FRMD4A: variants seen among roughly 807,000 people sequenced by gnomAD.
The protein encoded by FRMD4A is FERM domain containing 4A, also known as FERM domain-containing protein 4A.
In FRMD4A, 29 loss-of-function variants were observed where a neutral mutation model predicts 129.1. The observed-to-expected ratio is 0.22, with a 90% CI of 0.17 to 0.31. FRMD4A has a LOEUF of 0.31. Ranked by LOEUF, FRMD4A falls within the 10% of genes least tolerant of loss-of-function variation. The pLI, the probability that FRMD4A is intolerant of heterozygous loss-of-function variation, is 1.00. For missense variants in FRMD4A, 1,272 were observed against 1,375.8 expected (o/e 0.92, Z 1.19); for synonymous variants, 634 against 571.6 (o/e 1.11, Z -1.56).
chr10:14,185,798 C>G (rs12217974), intron 2 of FRMD4A, among the ~76,000 whole-genome samples: 1 of 152,116 alleles, frequency 6.6e-6, no homozygotes, highest in Non-Finnish European at 1.5e-5. Flanking sequence ...CAGACTAGTC[C>G]TGGGCGGAAT....
At chr10:14,185,634 C>G (rs764637450) in intron 2 of FRMD4A, among the ~76,000 whole-genome samples, 1 of 152,102 alleles carries the variant, frequency 6.6e-6, no homozygotes, top group Non-Finnish European at 1.5e-5. Context: ...ACTTCATGGT[C>G]AGAGAGCTGC....
chr10:13,648,935 C>G (rs2081330466), intron 24 of FRMD4A, among the ~76,000 whole-genome samples: 1 of 152,016 alleles, frequency 6.6e-6, no homozygotes, highest in East Asian at 1.9e-4. Flanking sequence ...AAAAAAGCTT[C>G]CATGGATAAA....
intron 2 of FRMD4A, among the ~76,000 whole-genome samples, chr10:14,021,548 C>A (rs1023795215): frequency 1.3e-5 from 2 of 151,826 alleles, no homozygotes; most frequent in African/African-American, 4.8e-5. Context: ...TAGAGGGAGA[C>A]CCTGACTCAA....
Position 13,657,615 on chromosome 10 carries a change from G to T in FRMD4A, c.2067-93C>A, listed in dbSNP as rs2082280572. ...GAGGGGGTCCTGAGGAGGGCACTGG[G>T]TGTCTGCACGCGGGCGCAGGCCCCA... is the stretch of plus-strand genomic sequence containing the variant. On this transcript the variant is annotated intron_variant, in intron 21 of 24. Transcript: ENST00000357447. 3.5e-6 allele frequency: 5 copies of T among 1,434,376 alleles called. No individual in the cohort carries two copies. In the South Asian group the frequency reaches 7.3e-5, roughly 21 times the overall value. The allele number at this position is 1,434,376 out of a possible 1,614,324, so 88.9% of individuals were successfully genotyped here. A position where few individuals can be genotyped will look rare whatever the true frequency, so the allele number is the denominator to read the frequency against.
chr10:14,162,945 C>T (rs1396864004), intron 2 of FRMD4A, among the ~76,000 whole-genome samples: 1 of 152,166 alleles, frequency 6.6e-6, no homozygotes, highest in East Asian at 1.9e-4. Context: ...CTTCCACACA[C>T]ACCGGCATGG....
chr10:14,293,130 T>C (rs1845900954), intron 2 of FRMD4A, among the ~76,000 whole-genome samples: 1 of 152,208 alleles, frequency 6.6e-6, no homozygotes, highest in Non-Finnish European at 1.5e-5. Context: ...TGTTAGAAAC[T>C]TAATCTCCAA....
chr10:13,935,354 C>T (rs2095239712), intron 2 of FRMD4A, among the ~76,000 whole-genome samples: 1 of 145,166 alleles, frequency 6.9e-6, no homozygotes, highest in African/African-American at 2.6e-5. Context: ...AGGAGAATTC[C>T]TTGAATCTGG....
chr10:13,692,140 C>CTTTTTTTTTTTTTTTTTT lies in FRMD4A; in HGVS notation c.1117+1740_1117+1757dup, dbSNP rs747299123. ...CTTGAAGCTTATAAAATTTTAGCAG[C>CTTTTTTTTTTTTTTTTTT]TTTTTTTTTTTTTTTTTTTTTTTTT... On this transcript the variant is annotated intron_variant, in intron 15 of 24. Coordinates refer to ENST00000357447, the MANE Select transcript of FRMD4A (RefSeq NM_018027.5). The CTTTTTTTTTTTTTTTTTT allele has an allele frequency of 4.3e-4, 43 of 100,484 alleles. 21 individuals carry two copies. Among genetic ancestry groups the CTTTTTTTTTTTTTTTTTT allele is most frequent in the African/African-American group, 6.1e-4 (15 of 24,450 alleles). The allele number at this position is 100,484 out of a possible 1,614,324, so 6.2% of individuals were successfully genotyped here.
intron 5 of FRMD4A, among the ~76,000 whole-genome samples, chr10:13,788,192 T>A (rs1052568519): frequency 6.6e-6 from 1 of 151,746 alleles, no homozygotes; most frequent in African/African-American, 2.4e-5. Flanking sequence ...GACTTCCACA[T>A]GTCACCATGG....
intron 2 of FRMD4A, among the ~76,000 whole-genome samples, chr10:14,318,612 CAAAAA>C (rs66547751): frequency 7.4e-6 from 1 of 135,032 alleles, no homozygotes; most frequent in Non-Finnish European, 1.6e-5. Context: ...TGCTAGTATG[CAAAAA>C]AAAAAAAAAA....
At chr10:14,157,040 T>G (rs371712943) in intron 2 of FRMD4A, among the ~76,000 whole-genome samples, 2 of 151,872 alleles carry the variant, frequency 1.3e-5, no homozygotes, top group Non-Finnish European at 2.9e-5. Context: ...CAGAGGAACA[T>G]GTTTTCAACT....
chr10:14,249,849 T>A (rs549657683), intron 2 of FRMD4A, among the ~76,000 whole-genome samples: 1 of 152,354 alleles, frequency 6.6e-6, no homozygotes, highest in Admixed American at 6.5e-5. Flanking sequence ...AATTCTAGTT[T>A]TACTTTTTAA....
intron 12 of FRMD4A, among the ~76,000 whole-genome samples, chr10:13,709,993 C>A (rs1313844078): frequency 6.6e-6 from 1 of 152,048 alleles, no homozygotes; most frequent in Non-Finnish European, 1.5e-5. Flanking sequence ...GAGCAGTGTA[C>A]ACTGAACCCA....
At chr10:14,271,222 C>T (rs985614495) in intron 2 of FRMD4A, among the ~76,000 whole-genome samples, 11 of 152,216 alleles carry the variant, frequency 7.2e-5, no homozygotes, top group African/African-American at 2.7e-4. Context: ...CACATTTCAA[C>T]GTGAGATTCA....
rs151057689 is a variant in FRMD4A, at chr10:13,726,148, C to T, written c.759+11696G>A. On this transcript the variant is annotated intron_variant, in intron 12 of 24. Coordinates refer to ENST00000357447, the MANE Select transcript of FRMD4A (RefSeq NM_018027.5). ...AAATTAGCCGAGTGTGTTGCACACG[C>T]CCGTGGCTCCAGCTACTAGGGAGGC... Among the ~76,000 whole-genome samples the T allele has an allele frequency of 1.5e-3, 231 of 152,230 alleles. 2 individuals carry two copies. In the Middle Eastern group the frequency reaches 0.02, roughly 13 times the overall value.
At chr10:13,914,237 A>C (rs897579118) in intron 2 of FRMD4A, among the ~76,000 whole-genome samples, 1 of 152,234 alleles carries the variant, frequency 6.6e-6, no homozygotes, top group African/African-American at 2.4e-5. Flanking sequence ...TGATCTACTC[A>C]AGGTCAAGAT....
At chr10:14,284,436 C>T (rs1198320063) in intron 2 of FRMD4A, among the ~76,000 whole-genome samples, 2 of 152,052 alleles carry the variant, frequency 1.3e-5, no homozygotes, top group African/African-American at 2.4e-5. Flanking sequence ...ATCACGAGAT[C>T]AGGACATCAA....
intron 3 of FRMD4A, among the ~76,000 whole-genome samples, chr10:13,854,340 C>T (rs1564916325): frequency 6.6e-6 from 1 of 152,152 alleles, no homozygotes; most frequent in Non-Finnish European, 1.5e-5. Context: ...ATGCTCCGCC[C>T]CCCATATCTG....
At chr10:14,066,008 TTGTGTGTGTG>T (rs61167438) in intron 2 of FRMD4A, among the ~76,000 whole-genome samples, 24 of 139,128 alleles carry the variant, frequency 1.7e-4, no homozygotes, top group African/African-American at 5.9e-4. Flanking sequence ...GGGTATGTAT[TTGTGTGTGTG>T]TGTGTGTGTG....
Sources: allele counts gnomAD v4.1 joint callset (sites outside exome capture counted in the v4.1 genomes callset), GRCh38; gene constraint gnomAD v4.1.1; transcripts MANE v1.5; gene names NCBI Gene and HGNC (gene_info 2026-07-23, HGNC 2026-07-21).